Variants in PKD2L2 observed in about 807,000 individuals in gnomAD.
PKD2L2 encodes polycystin 2 like 2, transient receptor potential cation channel.
PKD2L2 carries 67 observed loss-of-function variants against 83.9 expected under a neutral mutation model. The ratio of observed to expected loss-of-function variants is 0.80; its 90% CI spans 0.66 to 0.98. PKD2L2 has a LOEUF of 0.98. Among genes scored for constraint, PKD2L2 ranks in the 50% least tolerant of loss-of-function variants. PKD2L2 has a pLI of 0.00. For synonymous variants in PKD2L2, 223 were observed against 237.8 expected (o/e 0.94, Z 0.57); for missense variants, 632 against 717.2 (o/e 0.88, Z 1.36).
chr5:137,940,006 G>A (rs1761163168), intron 14 of PKD2L2: 1 of 1,600,140 alleles, frequency 6.2e-7, no homozygotes, highest in Non-Finnish European at 8.5e-7. Flanking sequence ...TAAAGGTGGA[G>A]AGGACAGTCT....
chr5:137,891,185 T>C (rs1028585538), intron 2 of PKD2L2, among the ~76,000 whole-genome samples: 6 of 152,216 alleles, frequency 3.9e-5, no homozygotes, highest in African/African-American at 1.4e-4. Flanking sequence ...TAACAGTAGA[T>C]GAAAGCTCAC....
Position 137,894,372 on chromosome 5 carries a change from T to A in PKD2L2, c.287T>A (p.Leu96Ter). ...DFWKFMEGPL[L>*]EGLYWDSWYN... Reference sequence around the variant, plus strand: ...GTGGAGTTTATGGAAGGACCCCTTTTGGAAGGTCTGTACTGGGATTCATGG... The same window carrying A: ...GTGGAGTTTATGGAAGGACCCCTTTAGGAAGGTCTGTACTGGGATTCATGG... Residue 96 changes from leucine to a stop codon, truncating the protein, a stop_gained, in exon 4 of 15, where the codon TTG becomes TAG. Transcript: ENST00000508883. LOFTEE classifies it high-confidence loss of function. 1 of 1,605,918 alleles carries A rather than the reference T, an allele frequency of 6.2e-7. No individual in the cohort carries two copies. Among genetic ancestry groups the A allele is most frequent in the East Asian group, 2.2e-5 (1 of 44,842 alleles).
chr5:137,925,679 G>A (rs913283561), intron 11 of PKD2L2, among the ~76,000 whole-genome samples, 196 bp from the exon 12 acceptor site: 1 of 152,144 alleles, frequency 6.6e-6, no homozygotes, highest in African/African-American at 2.4e-5. Flanking sequence ...TCTGGCAGTG[G>A]AACATAAACA....
chr5:137,898,919 G>C (rs1255980720), intron 4 of PKD2L2, among the ~76,000 whole-genome samples: 1 of 152,042 alleles, frequency 6.6e-6, no homozygotes, highest in African/African-American at 2.4e-5. Flanking sequence ...ATGGATTTTT[G>C]AAAAATTATC....
At chr5:137,932,609 A>G (rs1021319956) in intron 12 of PKD2L2, among the ~76,000 whole-genome samples, 4 of 152,022 alleles carry the variant, frequency 2.6e-5, no homozygotes, top group African/African-American at 9.7e-5. Flanking sequence ...AGAACCTACT[A>G]TCTTAGAGAA....
At chr5:137,930,619 C>A (rs1401598030) in intron 12 of PKD2L2, among the ~76,000 whole-genome samples, 1 of 149,264 alleles carries the variant, frequency 6.7e-6, no homozygotes. Flanking sequence ...GCCAAGATCA[C>A]GCCACTGTAC....
rs1361775594 is a variant in PKD2L2, at chr5:137,925,870, A to G, written c.1617-5A>G. The G allele has an allele frequency of 6.3e-7, 1 of 1,583,126 alleles. No homozygotes were observed. Among genetic ancestry groups the G allele is most frequent in the Non-Finnish European group, 8.7e-7 (1 of 1,155,850 alleles). ...CCTCTGACTTTTATTTTATATTCTC[A>G]ATAGCAAAGGCAGCGGAGATTTGGC... On this transcript the variant is annotated splice_polypyrimidine_tract_variant and splice_region_variant and intron_variant, in intron 11 of 14. Coordinates refer to ENST00000508883, the MANE Select transcript of PKD2L2 (RefSeq NM_001300921.2).
At position 137,908,959 on chromosome 5, in the gene PKD2L2, T is replaced by C. The variant is rs1038819927; in HGVS notation, c.1328+13T>C. 5 of 1,515,478 alleles carry C rather than the reference T, an allele frequency of 3.3e-6. No individual in the cohort carries two copies. The highest frequency in any genetic ancestry group is 3.6e-6 in the Non-Finnish European group (4 of 1,105,230). 93.9% of individuals were successfully genotyped at this position (1,515,478 alleles called of 1,614,324 possible). A position where few individuals can be genotyped will look rare whatever the true frequency, so the allele number is the denominator to read the frequency against. On this transcript the variant is annotated intron_variant, in intron 8 of 14. Transcript: ENST00000508883. ...TTCAGAATTCCATGTAAGCTCTTAG[T>C]ATAAATGTAATTATATCTTCTATAT...
intron 8 of PKD2L2, among the ~76,000 whole-genome samples, chr5:137,915,727 G>A (rs573084805): frequency 6.6e-6 from 1 of 152,262 alleles, no homozygotes; most frequent in Admixed American, 6.5e-5. Flanking sequence ...TTTGTTCATT[G>A]TGTCCAAAAA....
intron 8 of PKD2L2, among the ~76,000 whole-genome samples, chr5:137,915,653 T>C (rs1296428673): frequency 6.6e-6 from 1 of 152,058 alleles, no homozygotes; most frequent in Admixed American, 6.6e-5. Flanking sequence ...ACTCCTGACC[T>C]CGTGATCTAC....
At chr5:137,926,122 T>C (rs1275837021) in intron 12 of PKD2L2, among the ~76,000 whole-genome samples, 193 bp downstream of exon 12, 1 of 152,202 alleles carries the variant, frequency 6.6e-6, no homozygotes, top group Non-Finnish European at 1.5e-5. Flanking sequence ...GCTTCCTCTC[T>C]CCTACCTGTA....
chr5:137,930,505 T>C (rs1759777966), intron 12 of PKD2L2, among the ~76,000 whole-genome samples: 1 of 151,922 alleles, frequency 6.6e-6, no homozygotes, highest in Non-Finnish European at 1.5e-5. Flanking sequence ...ACCCCATCTC[T>C]ATTAAAAATA....
intron 12 of PKD2L2, among the ~76,000 whole-genome samples, chr5:137,932,538 A>G (rs1212746137): frequency 6.6e-6 from 1 of 152,106 alleles, no homozygotes; most frequent in East Asian, 1.9e-4. Flanking sequence ...CAACTCATAA[A>G]TAATGACTGC....
intron 3 of PKD2L2, among the ~76,000 whole-genome samples, chr5:137,893,087 G>T (rs563101676): frequency 1.4e-4 from 22 of 152,030 alleles, no homozygotes; most frequent in East Asian, 5.8e-4. Context: ...AATTTTTTTT[G>T]ATTTTTTTAG....
intron 8 of PKD2L2, among the ~76,000 whole-genome samples, chr5:137,918,944 ATGTGTGTGTG>A (rs67036547): frequency 1.4e-5 from 2 of 146,220 alleles, no homozygotes; most frequent in African/African-American, 2.5e-5. Context: ...GGCCTGCACA[ATGTGTGTGTG>A]TGTGTGTGTG....
intron 8 of PKD2L2, among the ~76,000 whole-genome samples, chr5:137,919,741 T>C (rs1758719200): frequency 6.6e-6 from 1 of 152,186 alleles, no homozygotes; most frequent in Non-Finnish European, 1.5e-5. Context: ...CTAGGTACCG[T>C]GGATGGAATC....
At chr5:137,922,248 T>C (rs546651296) in intron 9 of PKD2L2, among the ~76,000 whole-genome samples, 2 of 152,328 alleles carry the variant, frequency 1.3e-5, no homozygotes, top group East Asian at 3.9e-4. Context: ...GAAAACACTT[T>C]TTGTCAGGCA....
At chr5:137,918,082 A>G (rs1580956877) in intron 8 of PKD2L2, among the ~76,000 whole-genome samples, 1 of 152,196 alleles carries the variant, frequency 6.6e-6, no homozygotes, top group East Asian at 1.9e-4. Flanking sequence ...AAAAATTCAA[A>G]CCAGACATTT....
chr5:137,929,063 G>C (rs948594317), intron 12 of PKD2L2, among the ~76,000 whole-genome samples: 1 of 152,070 alleles, frequency 6.6e-6, no homozygotes, highest in Non-Finnish European at 1.5e-5. Flanking sequence ...AATATAATTG[G>C]GTAGTAGAGG....
Sources: allele counts gnomAD v4.1 joint callset (sites outside exome capture counted in the v4.1 genomes callset), GRCh38; gene constraint gnomAD v4.1.1; transcripts MANE v1.5; gene names NCBI Gene and HGNC (gene_info 2026-07-23, HGNC 2026-07-21).